Variants in TG observed in about 807,000 individuals in gnomAD.
The protein encoded by TG is thyroid hormones.
In TG, 270 loss-of-function variants were observed where a neutral mutation model predicts 324.7. The ratio of observed to expected loss-of-function variants is 0.83; its 90% CI spans 0.75 to 0.92. The LOEUF (loss-of-function observed/expected upper bound fraction) is 0.92, where lower values mean the gene tolerates loss of function less well. Ranked by LOEUF, TG falls within the 40% of genes least tolerant of loss-of-function variation. The pLI is 0.00. For missense variants in TG, 3,591 were observed against 3,456.4 expected (o/e 1.04, Z -0.98); for synonymous variants, 1,401 against 1,327.0 (o/e 1.06, Z -1.21).
chr8:132,907,912 A>T (rs966466965), intron 17 of TG, among the ~76,000 whole-genome samples: 1 of 152,182 alleles, frequency 6.6e-6, no homozygotes, highest in African/African-American at 2.4e-5. Flanking sequence ...ATGGCATGGA[A>T]GATTTTCCAA....
chr8:133,094,444 G>T (rs1468056947), intron 41 of TG, among the ~76,000 whole-genome samples: 1 of 151,930 alleles, frequency 6.6e-6, no homozygotes, highest in Non-Finnish European at 1.5e-5. Flanking sequence ...GTTTCACTGT[G>T]TTAGCCAGGA....
At chr8:133,010,924 G>A (rs1194317515) in intron 35 of TG, among the ~76,000 whole-genome samples, 1 of 152,202 alleles carries the variant, frequency 6.6e-6, no homozygotes, top group Non-Finnish European at 1.5e-5. Context: ...ACAAAGGCCA[G>A]TTCCAATCCT....
chr8:133,116,495 G>A, intron 44 of TG, 114 bp from the exon 45 acceptor site: 3 of 837,800 alleles, frequency 3.6e-6, no homozygotes, highest in Non-Finnish European at 6.2e-6. Context: ...TTGTAGGCCT[G>A]GCAGGGGTGG....
At chr8:132,910,669 A>T (rs3847173) in intron 18 of TG, among the ~76,000 whole-genome samples, 6 of 152,196 alleles carry the variant, frequency 3.9e-5, no homozygotes, top group Middle Eastern at 3.4e-3. Context: ...CCTTCACCAC[A>T]CATGGCTGAC....
chr8:132,988,801 C>G, intron 35 of TG: 7 of 985,420 alleles, frequency 7.1e-6, no homozygotes, highest in Non-Finnish European at 8.4e-6. Context: ...CGCACCCCTT[C>G]CCTGCTTCCC....
chr8:133,060,064 C>G, intron 41 of TG: 1 of 1,547,042 alleles, frequency 6.5e-7, no homozygotes, highest in South Asian at 1.3e-5. Flanking sequence ...TCTTGTAGCA[C>G]AGACTCAAGC....
At chr8:133,119,884 C>A (rs1851004772) in intron 45 of TG, among the ~76,000 whole-genome samples, 1 of 152,218 alleles carries the variant, frequency 6.6e-6, no homozygotes, top group Admixed American at 6.5e-5. Context: ...ACTACAGATT[C>A]AAGCAACTGC....
At chr8:132,964,934 G>A in intron 29 of TG, 1 of 702,358 alleles carries the variant, frequency 1.4e-6, no homozygotes, top group Non-Finnish European at 2.6e-6. Flanking sequence ...ATGCTCCCAG[G>A]TATACCTGAG....
intron 41 of TG, among the ~76,000 whole-genome samples, chr8:133,060,640 T>C (rs1029606849): frequency 6.6e-6 from 1 of 152,232 alleles, no homozygotes; most frequent in Non-Finnish European, 1.5e-5. Context: ...GAGAAGGTAC[T>C]TTCTGCTGCT....
At chr8:133,091,753 T>C (rs1484686507) in intron 41 of TG, among the ~76,000 whole-genome samples, 2 of 152,020 alleles carry the variant, frequency 1.3e-5, no homozygotes, top group East Asian at 1.9e-4. Flanking sequence ...TATATTTCTT[T>C]CTGTAGCTGG....
rs1815568534 is a variant in TG, at chr8:132,887,377, A to G, written c.2005A>G (p.Met669Val). 5.0e-6 allele frequency: 8 copies of G among 1,614,096 alleles called. No individual in the cohort carries two copies. Among genetic ancestry groups the G allele is most frequent in the East Asian group, 2.2e-5 (1 of 44,888 alleles). The part of the protein sequence containing the change: ...PTDCEKQRAR[M>V]QSLMGSQPAG... Reference sequence around the variant, plus strand: ...AGACTGTGAAAAGCAAAGGGCTCGCATGCAAAGCCTCATGGGCAGCCAGCC... The same window carrying G: ...AGACTGTGAAAAGCAAAGGGCTCGCGTGCAAAGCCTCATGGGCAGCCAGCC... The change falls in exon 9 of 48, where the codon ATG becomes GTG. Residue 669 changes from methionine to valine, a missense_variant. Met to Val is a conservative substitution (Grantham distance 21). Transcript: ENST00000220616.
chr8:133,101,682 A>C (rs1246615231), intron 43 of TG, among the ~76,000 whole-genome samples: 1 of 152,234 alleles, frequency 6.6e-6, no homozygotes, highest in Non-Finnish European at 1.5e-5. Flanking sequence ...CATAAAATAC[A>C]AATTGAATTC....
At chr8:132,941,063 T>C (rs909932813) in intron 25 of TG, among the ~76,000 whole-genome samples, 2 of 152,204 alleles carry the variant, frequency 1.3e-5, no homozygotes, top group African/African-American at 4.8e-5. Flanking sequence ...ATAATAAACA[T>C]AAAAATATAT....
chr8:132,991,899 A>G (rs1361660795), intron 35 of TG, among the ~76,000 whole-genome samples: 1 of 152,082 alleles, frequency 6.6e-6, no homozygotes, highest in Non-Finnish European at 1.5e-5. Context: ...TTGAGAAGGA[A>G]AAAGAAACAG....
chr8:132,903,736 G>A (rs1818266219), intron 16 of TG, among the ~76,000 whole-genome samples: 1 of 152,166 alleles, frequency 6.6e-6, no homozygotes, highest in Admixed American at 6.5e-5. Context: ...GACTGTGATG[G>A]AGAGGCAGGC....
At chr8:133,084,996 C>T (rs779031898) in intron 41 of TG, among the ~76,000 whole-genome samples, 3 of 152,244 alleles carry the variant, frequency 2.0e-5, no homozygotes, top group Non-Finnish European at 2.9e-5. Context: ...GAGCCTCACT[C>T]TTTAATAAAA....
intron 27 of TG, among the ~76,000 whole-genome samples, chr8:132,955,493 A>G (rs555204977): frequency 6.6e-6 from 1 of 152,310 alleles, no homozygotes; most frequent in African/African-American, 2.4e-5. Context: ...CTCTAGGGCT[A>G]TTGGGCTCAG....
At chr8:133,127,826 AT>A (rs1408974072) in intron 45 of TG, among the ~76,000 whole-genome samples, 1 of 152,036 alleles carries the variant, frequency 6.6e-6, no homozygotes, top group Admixed American at 6.5e-5. Flanking sequence ...GTGCTCAGCC[AT>A]ACCCCTTGTC....
At chr8:132,922,342 G>T (rs1370665721) in intron 21 of TG, among the ~76,000 whole-genome samples, 1 of 152,164 alleles carries the variant, frequency 6.6e-6, no homozygotes, top group Non-Finnish European at 1.5e-5. Flanking sequence ...ATTGATTTTG[G>T]ACAGAAGCTT....
Sources: gnomAD v4.1 joint callset for allele counts (sites outside exome capture counted in the v4.1 genomes callset) on GRCh38, gnomAD v4.1.1 for gene constraint, MANE v1.5 for transcripts, NCBI Gene and HGNC (gene_info 2026-07-23, HGNC 2026-07-21) for gene names.